The following ATOSA variants were observed in gnomAD, a reference collection of about 807,000 sequenced individuals.
ATOSA encodes atos homolog A, also known as atos homolog protein A.
chr15:52,614,978 A>T, the ATOSA span, among the ~76,000 whole-genome samples: 1 of 152,214 alleles, frequency 6.6e-6, no homozygotes, highest in Non-Finnish European at 1.5e-5. Flanking sequence ...TATTATTTAC[A>T]TATTAGAAAA....
chr15:52,606,267 C>A, the ATOSA span, among the ~76,000 whole-genome samples: 1 of 152,018 alleles, frequency 6.6e-6, no homozygotes, highest in South Asian at 2.1e-4. Flanking sequence ...ATAATGCAGT[C>A]ACAGCACTAT....
the ATOSA span, among the ~76,000 whole-genome samples, chr15:52,681,217 C>A: frequency 6.6e-6 from 1 of 152,120 alleles, no homozygotes; most frequent in Admixed American, 6.5e-5. Context: ...AATTTGAAAT[C>A]ATTATGGCAG....
At chr15:52,634,604 CTTTTT>C in the ATOSA span, among the ~76,000 whole-genome samples, 100 of 109,678 alleles carry the variant, frequency 9.1e-4, 2 homozygotes, top group East Asian at 0.023. Flanking sequence ...TTTTTCTTTT[CTTTTT>C]TTTTTTTTTT....
At chr15:52,605,315 T>C in the ATOSA span, 1 of 1,170,040 alleles carries the variant, frequency 8.5e-7, no homozygotes, top group South Asian at 1.4e-5. Context: ...GACAGTGTTT[T>C]TGTTTTTAGA....
the ATOSA span, chr15:52,605,333 C>T: frequency 4.5e-6 from 4 of 890,670 alleles, no homozygotes; most frequent in African/African-American, 5.2e-5. Flanking sequence ...AGACTCATTC[C>T]TAATACATTC....
the ATOSA span, among the ~76,000 whole-genome samples, chr15:52,680,588 AAG>A: frequency 2.0e-5 from 3 of 152,240 alleles, no homozygotes; most frequent in Non-Finnish European, 4.4e-5. Flanking sequence ...AATATTTAAA[AAG>A]TAACATTTTC....
chr15:52,663,791 T>A, the ATOSA span, among the ~76,000 whole-genome samples: 1 of 152,126 alleles, frequency 6.6e-6, no homozygotes, highest in Non-Finnish European at 1.5e-5. Flanking sequence ...AGCTAATTTT[T>A]TTTTTAAGTT....
At chr15:52,608,688 T>A in the ATOSA span, 2 of 1,612,764 alleles carry the variant, frequency 1.2e-6, no homozygotes, top group South Asian at 1.1e-5. Flanking sequence ...GTTCATTTTT[T>A]AATTGGTCTG....
At chr15:52,601,828 C>G in the ATOSA span, among the ~76,000 whole-genome samples, 2 of 151,920 alleles carry the variant, frequency 1.3e-5, no homozygotes, top group Non-Finnish European at 2.9e-5. Context: ...ATATGTGTAC[C>G]TGACTCTCTG....
chr15:52,632,613 T>G, the ATOSA span, among the ~76,000 whole-genome samples: 2 of 152,162 alleles, frequency 1.3e-5, no homozygotes, highest in East Asian at 1.9e-4. Context: ...TGATAGGAAT[T>G]ATTAATTAGT....
At chr15:52,617,689 A>G in the ATOSA span, among the ~76,000 whole-genome samples, 1 of 150,996 alleles carries the variant, frequency 6.6e-6, no homozygotes, top group Non-Finnish European at 1.5e-5. Context: ...GCTTCATACA[A>G]TGTAGCTTTT....
the ATOSA span, among the ~76,000 whole-genome samples, chr15:52,629,460 G>A: frequency 0.9 from 135,326 of 151,044 alleles, 60,679 homozygotes; most frequent in East Asian, 1. Flanking sequence ...AGTATCATAC[G>A]GAATCCTTTC....
At chr15:52,604,031 CCATT>C in the ATOSA span, among the ~76,000 whole-genome samples, 1 of 152,284 alleles carries the variant, frequency 6.6e-6, no homozygotes, top group South Asian at 2.1e-4. Flanking sequence ...GATAGATAAT[CCATT>C]TACTCCGATT....
the ATOSA span, among the ~76,000 whole-genome samples, chr15:52,607,126 A>T: frequency 6.6e-6 from 1 of 152,180 alleles, no homozygotes; most frequent in South Asian, 2.1e-4. Flanking sequence ...AAAATTGAGG[A>T]AACAGGTTTT....
At chr15:52,582,100 AT>A in the ATOSA span, 2 of 1,428,284 alleles carry the variant, frequency 1.4e-6, no homozygotes, top group Admixed American at 2.9e-5. Flanking sequence ...TTCTATGCTA[AT>A]TTTTACTTGC....
At chr15:52,634,832 C>T in the ATOSA span, among the ~76,000 whole-genome samples, 1 of 152,094 alleles carries the variant, frequency 6.6e-6, no homozygotes, top group African/African-American at 2.4e-5. Flanking sequence ...AAATTCCTGA[C>T]ATCAGGTGAT....
At chr15:52,616,119 T>C in the ATOSA span, among the ~76,000 whole-genome samples, 3 of 152,198 alleles carry the variant, frequency 2.0e-5, no homozygotes, top group African/African-American at 4.8e-5. Flanking sequence ...AAATACATAT[T>C]ATAACGTACT....
the ATOSA span, among the ~76,000 whole-genome samples, chr15:52,601,662 A>T: frequency 1.3e-5 from 2 of 152,200 alleles, no homozygotes; most frequent in African/African-American, 4.8e-5. Flanking sequence ...AGATTTGAAA[A>T]GTACTATGCT....
chr15:52,589,933 G>A, the ATOSA span, among the ~76,000 whole-genome samples: 3 of 151,768 alleles, frequency 2.0e-5, no homozygotes, highest in Non-Finnish European at 4.4e-5. Flanking sequence ...GATTATAGGC[G>A]CCCACCATCA....
Sources: gnomAD v4.1 joint callset for allele counts (sites outside exome capture counted in the v4.1 genomes callset) on GRCh38, gnomAD v4.1.1 for gene constraint, MANE v1.5 for transcripts, NCBI Gene and HGNC (gene_info 2026-07-23, HGNC 2026-07-21) for gene names.